KCNG3: variants seen among roughly 807,000 people sequenced by gnomAD.
The protein encoded by KCNG3 is potassium voltage-gated channel modifier subfamily G member 3.
A neutral mutation model predicts 29.0 loss-of-function variants in KCNG3; 15 were observed. That is an observed-to-expected ratio of 0.52 (90% CI 0.35 to 0.80). The LOEUF is 0.80. Among genes scored for constraint, KCNG3 ranks in the 30% least tolerant of loss-of-function variants. KCNG3 has a pLI of 0.01. For synonymous variants in KCNG3, 322 were observed against 248.9 expected, an observed-to-expected ratio of 1.29 and a Z score of -2.76; for missense variants, 512 against 605.7, an observed-to-expected ratio of 0.85 and a Z score of 1.62.
chr2:42,484,456 G>A (rs530531639), intron 1 of KCNG3, among the ~76,000 whole-genome samples: 13 of 152,208 alleles, frequency 8.5e-5, no homozygotes, highest in Admixed American at 4.6e-4. Context: ...GCGAGACTCC[G>A]TCTGAAGAAA....
chr2:42,406,740 T>C, the KCNG3 span, among the ~76,000 whole-genome samples: 1 of 150,614 alleles, frequency 6.6e-6, no homozygotes, highest in Admixed American at 6.6e-5. Flanking sequence ...GGCAGGAGAA[T>C]TGCTTGAACA....
In KCNG3 at chr2:42,442,102, T is replaced by C. The variant is rs939719011; in HGVS notation, c.*1832A>G. ...ATGAACCACAAAGCTTTAATCCAAA[T>C]AGTTAAGAAAAAATAAATCCATGCC... On this transcript the variant is annotated 3_prime_UTR_variant, in exon 2 of 2. Coordinates refer to ENST00000306078, the MANE Select transcript of KCNG3 (RefSeq NM_133329.6). The C allele has an allele frequency of 6.6e-6, 1 of 152,012 alleles. No individual in the cohort carries two copies. The highest frequency in any genetic ancestry group is 6.6e-5 in the Admixed American group (1 of 15,254). The allele number at this position is 152,012 out of a possible 1,614,324, so 9.4% of individuals were successfully genotyped here.
chr2:42,403,621 CTTTTTTTTTTT>C, the KCNG3 span, among the ~76,000 whole-genome samples: 1 of 134,388 alleles, frequency 7.4e-6, no homozygotes, highest in Non-Finnish European at 1.6e-5. Context: ...ACTTTTTTTT[CTTTTTTTTTTT>C]TTTTGTATTT....
chr2:42,411,160 A>G, the KCNG3 span, among the ~76,000 whole-genome samples: 1 of 152,138 alleles, frequency 6.6e-6, no homozygotes, highest in South Asian at 2.1e-4. Flanking sequence ...TCATTCATCA[A>G]TGCTCAACTG....
At chr2:42,469,683 CTTTA>C (rs1190370190) in intron 1 of KCNG3, 3 of 152,224 alleles carry the variant, frequency 2.0e-5, no homozygotes, top group African/African-American at 7.2e-5. Flanking sequence ...ATAAAAGAAT[CTTTA>C]TGATCTTGGA....
the KCNG3 span, among the ~76,000 whole-genome samples, chr2:42,399,041 CTTTTTTTTTCTTTTCTTTTTTT>C: frequency 7.1e-6 from 1 of 141,056 alleles, no homozygotes; most frequent in African/African-American, 2.6e-5. Flanking sequence ...TTTTTCTTTT[CTTTTTTTTTCTTTTCTTTTTTT>C]TTTTTTTTTT....
chr2:42,413,389 G>A, the KCNG3 span, among the ~76,000 whole-genome samples: 2 of 152,110 alleles, frequency 1.3e-5, no homozygotes, highest in East Asian at 1.9e-4. Context: ...AGACATACCT[G>A]GATATAGATT....
chr2:42,441,891 C>A (rs1037053595), downstream of KCNG3: 1 of 105,150 alleles, frequency 9.5e-6, no homozygotes, highest in African/African-American at 3.3e-5. Context: ...GTGCCCAAGT[C>A]TGTAACAGAC....
chr2:42,412,585 G>C, the KCNG3 span, among the ~76,000 whole-genome samples: 9 of 152,146 alleles, frequency 5.9e-5, no homozygotes, highest in Admixed American at 5.2e-4. Context: ...TGGATGTAAA[G>C]AAATGCATGA....
At chr2:42,429,046 G>A in the KCNG3 span, among the ~76,000 whole-genome samples, 1 of 152,138 alleles carries the variant, frequency 6.6e-6, no homozygotes, top group Non-Finnish European at 1.5e-5. Context: ...TTGAACCCAG[G>A]AGGGGGAGGT....
chr2:42,445,694 C>T (rs1480326233), intron 1 of KCNG3, among the ~76,000 whole-genome samples: 1 of 151,952 alleles, frequency 6.6e-6, no homozygotes, highest in African/African-American at 2.4e-5. Context: ...TGAAAATAAT[C>T]GCATTTATAC....
At chr2:42,438,471 G>C (rs1313776802), downstream of KCNG3, among the ~76,000 whole-genome samples, 1 of 152,150 alleles carries the variant, frequency 6.6e-6, no homozygotes, top group Admixed American at 6.6e-5. Flanking sequence ...GTAGGTGAAA[G>C]CCAAATAATA....
the KCNG3 span, among the ~76,000 whole-genome samples, chr2:42,407,631 G>A: frequency 1.4e-4 from 21 of 152,274 alleles, no homozygotes; most frequent in South Asian, 2.1e-4. Context: ...AGGGAGCCCC[G>A]CTTGGGGGGC....
At chr2:42,400,998 A>G in the KCNG3 span, among the ~76,000 whole-genome samples, 1 of 151,704 alleles carries the variant, frequency 6.6e-6, no homozygotes, top group Non-Finnish European at 1.5e-5. Context: ...AATAAGCTCT[A>G]TATTTTAATA....
At chr2:42,430,413 C>A in the KCNG3 span, among the ~76,000 whole-genome samples, 23 of 146,766 alleles carry the variant, frequency 1.6e-4, no homozygotes, top group Admixed American at 5.4e-4. Flanking sequence ...TAAATAAATA[C>A]GCTAACCAAC....
At chr2:42,470,191 ATAT>A (rs1673252444) in intron 1 of KCNG3, 1 of 421,360 alleles carries the variant, frequency 2.4e-6, no homozygotes. Flanking sequence ...ATTTGGCTTG[ATAT>A]TATAAGACAA....
At chr2:42,492,374 T>G (rs577434729) in intron 1 of KCNG3, among the ~76,000 whole-genome samples, 1 of 152,248 alleles carries the variant, frequency 6.6e-6, no homozygotes, top group Non-Finnish European at 1.5e-5. Flanking sequence ...GGGGGCAGAG[T>G]GTATAGAATG....
chr2:42,410,079 G>A, the KCNG3 span, among the ~76,000 whole-genome samples: 6 of 152,078 alleles, frequency 3.9e-5, 1 homozygote, highest in East Asian at 3.9e-4. Context: ...TGATGTGTAC[G>A]TAGCTTTCTC....
chr2:42,420,805 GAAA>G, the KCNG3 span, among the ~76,000 whole-genome samples: 2 of 151,958 alleles, frequency 1.3e-5, no homozygotes, highest in Non-Finnish European at 2.9e-5. Context: ...GAAAAAAAAA[GAAA>G]AAAGAAACCA....
Sources: gnomAD v4.1 joint callset for allele counts (sites outside exome capture counted in the v4.1 genomes callset) on GRCh38, gnomAD v4.1.1 for gene constraint, MANE v1.5 for transcripts, NCBI Gene and HGNC (gene_info 2026-07-23, HGNC 2026-07-21) for gene names.